The following MTUS2 variants were observed in gnomAD, a reference collection of about 807,000 sequenced individuals.
MTUS2 encodes the protein microtubule-associated tumor suppressor candidate 2.
MTUS2 carries 40 observed loss-of-function variants against 114.1 expected under a neutral mutation model. The observed-to-expected ratio is 0.35, with a 90% CI of 0.27 to 0.46. MTUS2 has a LOEUF of 0.46. MTUS2 is among the 20% of genes least tolerant of loss of function. The pLI is 1.00. For synonymous variants in MTUS2, 688 were observed against 672.0 expected, an observed-to-expected ratio of 1.02 and a Z score of -0.37; for missense variants, 1,679 against 1,705.4, an observed-to-expected ratio of 0.98 and a Z score of 0.27.
At chr13:28,862,680 G>C (rs1877067286) in intron 2 of MTUS2, among the ~76,000 whole-genome samples, 1 of 152,152 alleles carries the variant, frequency 6.6e-6, no homozygotes, top group Non-Finnish European at 1.5e-5. Flanking sequence ...TATTGTAGTG[G>C]AAAATTGGAA....
intron 5 of MTUS2, among the ~76,000 whole-genome samples, chr13:29,273,482 A>G (rs1897951636): frequency 6.6e-6 from 1 of 152,212 alleles, no homozygotes; most frequent in Admixed American, 6.5e-5. Context: ...GAAGAGCTGA[A>G]TCACAATTTA....
chr13:29,469,533 A>G (rs1229506410), intron 9 of MTUS2, among the ~76,000 whole-genome samples: 1 of 151,910 alleles, frequency 6.6e-6, no homozygotes, highest in Non-Finnish European at 1.5e-5. Flanking sequence ...AGGCTGAGGC[A>G]GGAGAATGGC....
At chr13:29,001,471 A>C (rs1446394656) in intron 2 of MTUS2, among the ~76,000 whole-genome samples, 3 of 152,194 alleles carry the variant, frequency 2.0e-5, no homozygotes, top group Non-Finnish European at 4.4e-5. Context: ...GGGTGACTCC[A>C]GGCTGTTTGC....
intron 2 of MTUS2, among the ~76,000 whole-genome samples, chr13:28,880,582 A>G (rs908079272): frequency 6.6e-6 from 1 of 152,238 alleles, no homozygotes; most frequent in Non-Finnish European, 1.5e-5. Context: ...AACAAGTCAT[A>G]ATGTAACATA....
intron 7 of MTUS2, among the ~76,000 whole-genome samples, chr13:29,346,356 T>C (rs1395676629): frequency 6.6e-6 from 1 of 152,132 alleles, no homozygotes; most frequent in African/African-American, 2.4e-5. Flanking sequence ...GCTCAGACTC[T>C]CCTTGGTAGA....
At chr13:29,230,374 C>T (rs1473756570) in intron 5 of MTUS2, among the ~76,000 whole-genome samples, 32 of 152,206 alleles carry the variant, frequency 2.1e-4, no homozygotes. Flanking sequence ...CTGCTTGGAG[C>T]TCTAGGTTGC....
chr13:29,109,327 G>T (rs1046077534), intron 5 of MTUS2, among the ~76,000 whole-genome samples: 1 of 152,100 alleles, frequency 6.6e-6, no homozygotes, highest in Non-Finnish European at 1.5e-5. Context: ...TGTGTGGTAA[G>T]AACATTTAAG....
At chr13:29,185,225 T>G (rs1169725860) in intron 5 of MTUS2, among the ~76,000 whole-genome samples, 1 of 151,740 alleles carries the variant, frequency 6.6e-6, no homozygotes, top group Non-Finnish European at 1.5e-5. Context: ...ATTGAGATTA[T>G]CCAGTTGAAA....
intron 5 of MTUS2, among the ~76,000 whole-genome samples, chr13:29,127,918 G>A (rs981699938): frequency 4.6e-5 from 7 of 152,200 alleles, no homozygotes; most frequent in South Asian, 2.1e-4. Flanking sequence ...CACATACCTC[G>A]CAAAGTGCTA....
chr13:29,335,643 T>G (rs1901023106), intron 7 of MTUS2, among the ~76,000 whole-genome samples: 1 of 152,166 alleles, frequency 6.6e-6, no homozygotes, highest in African/African-American at 2.4e-5. Context: ...CTTTTTGTAC[T>G]CTTTCCCTTT....
In MTUS2 at chr13:29,195,539, GAAAAA is replaced by G. The variant is rs59726006; in HGVS notation, c.2645-86147_2645-86143del. 1.0e-3 allele frequency among the ~76,000 whole-genome samples: 81 copies of G among 78,530 alleles called. 1 individual carries two copies. The highest frequency in any genetic ancestry group is 5.7e-3 in the South Asian group (12 of 2,096). 51.5% of individuals were successfully genotyped at this position (78,530 alleles called of 152,430 possible). A position where few individuals can be genotyped will look rare whatever the true frequency, so the allele number is the denominator to read the frequency against. On this transcript the variant is annotated intron_variant, in intron 5 of 15. Coordinates refer to ENST00000612955, the MANE Select transcript of MTUS2 (RefSeq NM_001033602.4). ...CCATCACAGATTAAAACTTAATTCT[GAAAAA>G]AAAAAAAAAAAAAAAAAGAGCTACA...
intron 5 of MTUS2, among the ~76,000 whole-genome samples, chr13:29,152,761 T>C (rs1892710782): frequency 6.6e-6 from 1 of 151,842 alleles, no homozygotes; most frequent in African/African-American, 2.4e-5. Flanking sequence ...TTTTACAATC[T>C]CATCTCAGAA....
intron 5 of MTUS2, among the ~76,000 whole-genome samples, chr13:29,245,864 T>G (rs1238821275): frequency 2.0e-5 from 3 of 152,004 alleles, no homozygotes; most frequent in Non-Finnish European, 4.4e-5. Flanking sequence ...GCCCGGCTAA[T>G]TTTTTGTATT....
At chr13:29,372,497 A>G (rs1372116929) in intron 8 of MTUS2, among the ~76,000 whole-genome samples, 1 of 80,366 alleles carries the variant, frequency 1.2e-5, no homozygotes, top group Non-Finnish European at 2.6e-5. Flanking sequence ...TATAAGGTTG[A>G]CCAGAAGATC....
intron 2 of MTUS2, among the ~76,000 whole-genome samples, chr13:28,923,530 G>T (rs327120): frequency 0.87 from 132,851 of 152,244 alleles, 58,215 homozygotes; most frequent in East Asian, 0.91. Flanking sequence ...TGCTCCCTCT[G>T]GTCCCTGCTG....
At chr13:29,453,365 T>C (rs1349677784) in intron 9 of MTUS2, among the ~76,000 whole-genome samples, 1 of 152,160 alleles carries the variant, frequency 6.6e-6, no homozygotes, top group African/African-American at 2.4e-5. Context: ...GCACAATGAA[T>C]GTGGGGAATT....
intron 8 of MTUS2, among the ~76,000 whole-genome samples, chr13:29,403,494 G>A (rs141910264): frequency 7.2e-5 from 11 of 152,322 alleles, no homozygotes; most frequent in African/African-American, 2.6e-4. Context: ...GTCTATGAGG[G>A]TGTATCCAGT....
intron 9 of MTUS2, chr13:29,477,067 C>T (rs372686107): frequency 7.9e-5 from 12 of 152,346 alleles, no homozygotes; most frequent in African/African-American, 2.6e-4. Context: ...ACTTTGCAGA[C>T]AGGCCCCGTG....
At chr13:29,105,664 T>TGC (rs1555237227) in intron 5 of MTUS2, among the ~76,000 whole-genome samples, 1 of 21,504 alleles carries the variant, frequency 4.7e-5, no homozygotes, top group Non-Finnish European at 2.2e-4. Flanking sequence ...TTTCTTTTTT[T>TGC]CCTGGTGCAC....
Sources: allele counts gnomAD v4.1 joint callset (sites outside exome capture counted in the v4.1 genomes callset), GRCh38; gene constraint gnomAD v4.1.1; transcripts MANE v1.5; gene names NCBI Gene and HGNC (gene_info 2026-07-23, HGNC 2026-07-21).